Variants in LRP1B observed in about 807,000 individuals in gnomAD.
The protein encoded by LRP1B is LDL receptor related protein 1B.
A neutral mutation model predicts 556.6 loss-of-function variants in LRP1B; 217 were observed. The ratio of observed to expected loss-of-function variants is 0.39; its 90% CI spans 0.35 to 0.44. The LOEUF is 0.44. Ranked by LOEUF, LRP1B falls within the 20% of genes least tolerant of loss-of-function variation. The pLI is 1.00. For synonymous variants in LRP1B, 2,047 were observed against 1,865.8 expected (o/e 1.10, Z -2.50); for missense variants, 5,053 against 5,620.8 (o/e 0.90, Z 3.23).
At chr2:141,824,711 T>G (rs1487717880) in intron 1 of LRP1B, among the ~76,000 whole-genome samples, 5 of 152,214 alleles carry the variant, frequency 3.3e-5, no homozygotes, top group Non-Finnish European at 7.3e-5. Flanking sequence ...AAACCTTACA[T>G]TTTCTAAACA....
intron 43 of LRP1B, among the ~76,000 whole-genome samples, chr2:140,544,782 T>C (rs1680265537): frequency 6.6e-6 from 1 of 152,172 alleles, no homozygotes; most frequent in South Asian, 2.1e-4. Flanking sequence ...GTAATTAACA[T>C]CCATGTGCAT....
At chr2:140,970,732 T>C (rs1360853305) in intron 18 of LRP1B, among the ~76,000 whole-genome samples, 8,827 of 19,262 alleles carry the variant, frequency 0.46, 1,334 homozygotes, top group South Asian at 0.53. Context: ...TTTTTTTTTT[T>C]TTTTTTTTTT....
At chr2:141,369,249 T>A (rs969652682) in intron 3 of LRP1B, among the ~76,000 whole-genome samples, 22 of 152,308 alleles carry the variant, frequency 1.4e-4, no homozygotes, top group Non-Finnish European at 2.2e-4. Context: ...TGATTTCCTT[T>A]AAGTTTTCTA....
chr2:141,329,655 A>AAAAAAAAAACAAAAC (rs1687567376), intron 3 of LRP1B, among the ~76,000 whole-genome samples: 4 of 138,136 alleles, frequency 2.9e-5, no homozygotes, highest in African/African-American at 8.3e-5. Context: ...AAAAAAAAAA[A>AAAAAAAAAACAAAAC]AAAAAAAAAA....
intron 31 of LRP1B, among the ~76,000 whole-genome samples, chr2:140,817,736 G>C (rs10173976): frequency 0.044 from 6,642 of 151,988 alleles, 457 homozygotes; most frequent in African/African-American, 0.15. Context: ...TGTTTTCTAA[G>C]TGGCTCAAAA....
chr2:140,807,067 T>C (rs1262365838), intron 32 of LRP1B, among the ~76,000 whole-genome samples: 1 of 152,172 alleles, frequency 6.6e-6, no homozygotes. Context: ...CTGCTCCTCA[T>C]AAAGGCACTA....
At chr2:141,396,635 A>T (rs1057224078) in intron 3 of LRP1B, among the ~76,000 whole-genome samples, 1 of 152,146 alleles carries the variant, frequency 6.6e-6, no homozygotes, top group African/African-American at 2.4e-5. Flanking sequence ...AAAATTGTAG[A>T]TGTATCTTTG....
At chr2:140,856,519 A>T (rs1189901003) in intron 27 of LRP1B, among the ~76,000 whole-genome samples, 1 of 152,208 alleles carries the variant, frequency 6.6e-6, no homozygotes, top group African/African-American at 2.4e-5. Context: ...GCCAGATGGT[A>T]GATATTTGGA....
At chr2:141,844,847 C>T (rs533315706) in intron 1 of LRP1B, among the ~76,000 whole-genome samples, 2 of 151,678 alleles carry the variant, frequency 1.3e-5, no homozygotes, top group South Asian at 2.1e-4. Flanking sequence ...ATCATATTCC[C>T]AAAACAGCAT....
chr2:141,934,292 T>C (rs1036881892), intron 1 of LRP1B, among the ~76,000 whole-genome samples: 2 of 151,994 alleles, frequency 1.3e-5, no homozygotes, highest in Admixed American at 6.6e-5. Flanking sequence ...GGACTGATGA[T>C]GAAAAATCTA....
Position 140,321,972 on chromosome 2 carries a change from T to G in LRP1B, c.12631A>C (p.Ser4211Arg). ...AATAAAGTATACCCACCTAACAGGC[T>G]GTCATCATTGCAGGTGCCATTAATC... ...YLINGTCNDD[S>R]LLDDSCKLTC... Residue 4211 changes from serine (S) to arginine (R), a missense_variant, in exon 82 of 91, where the codon AGC becomes CGC. Physicochemically the swap from Ser to Arg is moderately radical, Grantham distance 110. This residue lies in a region of LRP1B where 551 missense variants were observed against 592.0 expected (regional missense o/e 0.93). Coordinates refer to ENST00000389484, the MANE Select transcript of LRP1B (RefSeq NM_018557.3). 1 of 1,612,798 alleles carries G rather than the reference T, an allele frequency of 6.2e-7. No homozygotes were observed. Among genetic ancestry groups the G allele is most frequent in the Non-Finnish European group, 8.5e-7 (1 of 1,179,212 alleles).
intron 41 of LRP1B, among the ~76,000 whole-genome samples, chr2:140,675,556 T>A (rs2105367420): frequency 6.6e-6 from 1 of 152,330 alleles, no homozygotes; most frequent in Admixed American, 6.5e-5. Flanking sequence ...AATTAACACT[T>A]ATTTTAATAA....
intron 3 of LRP1B, among the ~76,000 whole-genome samples, chr2:141,414,237 C>CAAAAAAA (rs775634408): frequency 2.8e-5 from 1 of 35,394 alleles, no homozygotes. Flanking sequence ...GACTCTATCT[C>CAAAAAAA]AAAAAAAAAA....
At chr2:140,388,401 T>A (rs547543926) in intron 66 of LRP1B, among the ~76,000 whole-genome samples, 7 of 152,268 alleles carry the variant, frequency 4.6e-5, no homozygotes, top group Non-Finnish European at 7.4e-5. Flanking sequence ...GTAATGACAA[T>A]CAATTTAATA....
chr2:142,094,401 C>A (rs1344916333), intron 1 of LRP1B, among the ~76,000 whole-genome samples: 1 of 151,942 alleles, frequency 6.6e-6, no homozygotes, highest in Non-Finnish European at 1.5e-5. Flanking sequence ...ATGGATTATG[C>A]AAGGTCAGCA....
intron 32 of LRP1B, among the ~76,000 whole-genome samples, chr2:140,802,179 T>C (rs1690537719): frequency 6.6e-6 from 1 of 152,186 alleles, no homozygotes; most frequent in Non-Finnish European, 1.5e-5. Context: ...AATGGAAGGT[T>C]TCCATTCTCT....
intron 2 of LRP1B, among the ~76,000 whole-genome samples, chr2:141,746,211 G>A (rs1693910313): frequency 6.6e-6 from 1 of 152,102 alleles, no homozygotes; most frequent in East Asian, 1.9e-4. Flanking sequence ...TCAGCACTAG[G>A]ACATGTCTAG....
chr2:141,121,652 A>G (rs1191629779), intron 7 of LRP1B, among the ~76,000 whole-genome samples: 3 of 152,168 alleles, frequency 2.0e-5, no homozygotes, highest in African/African-American at 7.2e-5. Flanking sequence ...AAGAATCAAT[A>G]TCGTGAAAAT....
intron 23 of LRP1B, among the ~76,000 whole-genome samples, chr2:140,895,216 G>A (rs536451183): frequency 4.0e-5 from 6 of 151,610 alleles, no homozygotes; most frequent in African/African-American, 1.5e-4. Context: ...TAGAGAATAA[G>A]AACAAAAAAA....
Sources: gnomAD v4.1 joint callset for allele counts (sites outside exome capture counted in the v4.1 genomes callset) on GRCh38, gnomAD v4.1.1 for gene constraint, gnomAD v4.1.1 regional missense constraint, MANE v1.5 for transcripts, NCBI Gene and HGNC (gene_info 2026-07-23, HGNC 2026-07-21) for gene names.